Variants in ZNF346 observed in about 807,000 individuals in gnomAD.
ZNF346 encodes double-stranded RNA-binding zinc finger protein JAZ.
In ZNF346, 23 loss-of-function variants were observed where a neutral mutation model predicts 33.7. The ratio of observed to expected loss-of-function variants is 0.68; its 90% CI spans 0.49 to 0.97. The LOEUF (loss-of-function observed/expected upper bound fraction) is 0.97, where lower values mean the gene tolerates loss of function less well. ZNF346 is among the 50% of genes least tolerant of loss of function. The pLI is 0.00. For missense variants in ZNF346, 340 were observed against 371.1 expected (o/e 0.92, Z 0.69); for synonymous variants, 134 against 142.4 (o/e 0.94, Z 0.42).
chr5:177,033,269 A>T (rs1162777836), intron 1 of ZNF346, among the ~76,000 whole-genome samples: 1 of 152,018 alleles, frequency 6.6e-6, no homozygotes, highest in African/African-American at 2.4e-5. Context: ...TGTAAAGATG[A>T]GGTCTCACTT....
rs140614381 is a variant in ZNF346, at chr5:177,055,445, A to G, written c.703+4509A>G. ...TGTGTGGAAACTGGAAATTGACTCT[A>G]TATCTTTGGTAATAAAGGGGTAATG... On this transcript the variant is annotated intron_variant, in intron 5 of 6. Coordinates refer to ENST00000358149, the MANE Select transcript of ZNF346 (RefSeq NM_012279.4). Among the ~76,000 whole-genome samples the G allele has an allele frequency of 7.4e-3, 1,125 of 152,262 alleles. 11 individuals are homozygous for G. Among genetic ancestry groups the G allele is most frequent in the Non-Finnish European group, 7.4e-3 (501 of 68,026 alleles).
chr5:177,074,409 G>A (rs1783646601), intron 8 of ZNF346, among the ~76,000 whole-genome samples: 1 of 152,202 alleles, frequency 6.6e-6, no homozygotes, highest in African/African-American at 2.4e-5. Flanking sequence ...TTCTTAGGGA[G>A]CACCTGTCAT....
chr5:177,044,076 C>G (rs1380051224), intron 3 of ZNF346, among the ~76,000 whole-genome samples: 8 of 150,904 alleles, frequency 5.3e-5, no homozygotes, highest in Non-Finnish European at 1.2e-4. Flanking sequence ...GAGAGAAAGT[C>G]CCCCAGAGGA....
chr5:177,060,352 C>T lies in ZNF346; in HGVS notation c.704-1706C>T, dbSNP rs180874921. On this transcript the variant is annotated intron_variant, in intron 5 of 6. Transcript: ENST00000358149. ...CCTGGCCAACATGGTGAAACCCCAT[C>T]TCTACTAAAACTACAAAAATTAGCC... Among the ~76,000 whole-genome samples the T allele has an allele frequency of 2.4e-3, 368 of 152,058 alleles. 2 individuals carry two copies. The highest frequency in any genetic ancestry group is 8.4e-3 in the African/African-American group (347 of 41,480).
In ZNF346 at chr5:177,066,907, C is replaced by T. The variant is rs1433403907; in HGVS notation, c.*2308C>T. ...CAAAACCCCGTCCCTATAAAAAATA[C>T]GAAAATCAGCTGCGCCTGGTGGCAC... is the stretch of plus-strand genomic sequence containing the variant. On this transcript the variant is annotated 3_prime_UTR_variant, in exon 7 of 7. Coordinates refer to ENST00000358149, the MANE Select transcript of ZNF346 (RefSeq NM_012279.4). Among the ~76,000 whole-genome samples the T allele has an allele frequency of 3.3e-5, 5 of 152,134 alleles. No homozygotes were observed. Among genetic ancestry groups the T allele is most frequent in the East Asian group, 1.9e-4 (1 of 5,180 alleles).
downstream of ZNF346, among the ~76,000 whole-genome samples, chr5:177,072,442 C>T (rs17572473): frequency 0.019 from 2,836 of 152,320 alleles, 35 homozygotes; most frequent in Middle Eastern, 0.044. Context: ...TTCCGAGGGA[C>T]TGGCCCTGCT....
intron 4 of ZNF346, among the ~76,000 whole-genome samples, chr5:177,046,158 G>C (rs1274142248): frequency 6.6e-6 from 1 of 151,970 alleles, no homozygotes; most frequent in Non-Finnish European, 1.5e-5. Context: ...AAAATTAGCT[G>C]GGTGTGGTGG....
At chr5:177,042,762 G>A (rs890963835) in intron 3 of ZNF346, among the ~76,000 whole-genome samples, 3 of 151,948 alleles carry the variant, frequency 2.0e-5, no homozygotes, top group Non-Finnish European at 2.9e-5. Context: ...ACAGGACCTG[G>A]CTCTGTTACC....
chr5:177,066,590 A>G lies in ZNF346; in HGVS notation c.*1991A>G. Among the ~76,000 whole-genome samples the G allele has an allele frequency of 6.6e-6, 1 of 152,020 alleles. No individual in the cohort carries two copies. The highest frequency in any genetic ancestry group is 2.1e-4 in the South Asian group (1 of 4,772). On this transcript the variant is annotated 3_prime_UTR_variant, in exon 7 of 7. Coordinates refer to ENST00000358149, the MANE Select transcript of ZNF346 (RefSeq NM_012279.4). Reference sequence around the variant, plus strand: ...TGAGCTGAGAAGGAGTGTTATGGCCAGGTGCGGCGTCATGCACCTATAGTC... The same window carrying G: ...TGAGCTGAGAAGGAGTGTTATGGCCGGGTGCGGCGTCATGCACCTATAGTC...
At chr5:177,027,102 G>C (rs772415745) in intron 1 of ZNF346, among the ~76,000 whole-genome samples, 13 of 152,132 alleles carry the variant, frequency 8.5e-5, no homozygotes, top group South Asian at 6.2e-4. Context: ...GCCCAGACTG[G>C]AGTGCAGTGG....
Position 177,022,828 on chromosome 5 carries a change from G to C in ZNF346, c.90G>C (p.Glu30Asp). 4.5e-6 allele frequency: 7 copies of C among 1,540,148 alleles called. No individual in the cohort carries two copies. Among genetic ancestry groups the C allele is most frequent in the Non-Finnish European group, 6.1e-6 (7 of 1,143,222 alleles). The change falls in exon 1 of 7, where the codon GAG becomes GAC. Residue 30 changes from glutamate to aspartate, a missense_variant. By Grantham distance (45) the Glu-to-Asp change is conservative (BLOSUM62 2). Transcript: ENST00000358149. ...GCTCGGAGTTGCTGGAGGGCCAGGA[G>C]CCGGACGGGGTGCGCTTTGACCGCG... ...YSSSELLEGQ[E>D]PDGVRFDRER...
chr5:177,068,571 C>G (rs569399159), downstream of ZNF346, among the ~76,000 whole-genome samples: 5 of 143,808 alleles, frequency 3.5e-5, no homozygotes, highest in East Asian at 9.7e-4. Context: ...TCCACTAGTT[C>G]CAACAAAATA....
intron 1 of ZNF346, among the ~76,000 whole-genome samples, chr5:177,034,994 T>C (rs925161995): frequency 2.0e-5 from 3 of 151,908 alleles, no homozygotes; most frequent in Non-Finnish European, 4.4e-5. Flanking sequence ...GCCTCTCTAG[T>C]GATTTTCTTT....
At chr5:177,038,080 A>ATT (rs1374251869) in intron 1 of ZNF346, among the ~76,000 whole-genome samples, 13,848 of 139,604 alleles carry the variant, frequency 0.099, 1,949 homozygotes, top group African/African-American at 0.32. Flanking sequence ...CCCCATGATG[A>ATT]TTTTTTTTTT....
intron 1 of ZNF346, among the ~76,000 whole-genome samples, chr5:177,039,184 C>A (rs1199968720): frequency 1.3e-5 from 2 of 151,850 alleles, no homozygotes; most frequent in Non-Finnish European, 2.9e-5. Context: ...ACCAATCGTG[C>A]CTGGCCACCT....
rs182762679 is a variant in ZNF346 at position 177,027,122 on chromosome 5, G to A, written c.175+4209G>A. Among the ~76,000 whole-genome samples, 540 of 151,588 alleles carry A rather than the reference G, an allele frequency of 3.6e-3. 6 individuals are homozygous for A. Among genetic ancestry groups the A allele is most frequent in the African/African-American group, 0.012 (504 of 41,352 alleles). On this transcript the variant is annotated intron_variant, in intron 1 of 6. Transcript: ENST00000358149. ...GACTGGAGTGCAGTGGTGTGATCTC[G>A]GCTCACTGCAACCTTTGCCTCCCGG...
At chr5:177,036,518 C>G (rs974221780) in intron 1 of ZNF346, among the ~76,000 whole-genome samples, 1 of 152,066 alleles carries the variant, frequency 6.6e-6, no homozygotes, top group Non-Finnish European at 1.5e-5. Context: ...ACCCTTCCCA[C>G]GAGGTCCTTT....
downstream of ZNF346, among the ~76,000 whole-genome samples, chr5:177,071,685 A>G (rs1783512033): frequency 2.2e-5 from 2 of 89,198 alleles, no homozygotes; most frequent in Non-Finnish European, 4.2e-5. Flanking sequence ...ACTCTGTCTC[A>G]AAAAAAAAAA....
intron 5 of ZNF346, among the ~76,000 whole-genome samples, chr5:177,056,452 C>T (rs1242433786): frequency 6.6e-6 from 1 of 152,144 alleles, no homozygotes; most frequent in African/African-American, 2.4e-5. Flanking sequence ...AATCATACAG[C>T]TATAAAGACA....
Sources: gnomAD v4.1 joint callset for allele counts (sites outside exome capture counted in the v4.1 genomes callset) on GRCh38, gnomAD v4.1.1 for gene constraint, MANE v1.5 for transcripts, NCBI Gene and HGNC (gene_info 2026-07-23, HGNC 2026-07-21) for gene names.